Variants in DIS3L2 observed in about 807,000 individuals in gnomAD.
DIS3L2 encodes the protein DIS3 like 3'-5' exoribonuclease 2.
Under a neutral mutation model 97.5 loss-of-function variants are expected in DIS3L2, and 34 were observed. The ratio of observed to expected loss-of-function variants is 0.35; its 90% confidence interval spans 0.27 to 0.46. DIS3L2 has a LOEUF of 0.46. Ranked by LOEUF, DIS3L2 falls within the 20% of genes least tolerant of loss-of-function variation. DIS3L2 has a pLI of 1.00. For missense variants in DIS3L2, 1,038 were observed against 1,146.0 expected, an observed-to-expected ratio of 0.91 and a Z score of 1.36; for synonymous variants, 435 against 445.2, an observed-to-expected ratio of 0.98 and a Z score of 0.29.
At chr2:232,002,109 G>T (rs976906100) in intron 1 of DIS3L2, among the ~76,000 whole-genome samples, 17 of 151,968 alleles carry the variant, frequency 1.1e-4, no homozygotes, top group Admixed American at 5.9e-4. Flanking sequence ...CGGTTCTCTC[G>T]GTACCATTTA....
chr2:232,140,165 C>T (rs2106358579), intron 8 of DIS3L2, among the ~76,000 whole-genome samples: 1 of 152,170 alleles, frequency 6.6e-6, no homozygotes, highest in Admixed American at 6.5e-5. Context: ...CTTTCTCCTT[C>T]CTCTAGTGTT....
At chr2:232,289,200 G>A (rs1694529883) in intron 13 of DIS3L2, among the ~76,000 whole-genome samples, 1 of 152,002 alleles carries the variant, frequency 6.6e-6, no homozygotes, top group African/African-American at 2.4e-5. Flanking sequence ...TTACAACAGT[G>A]GACAGCGTTT....
chr2:232,087,323 G>A (rs1393546593), intron 5 of DIS3L2, among the ~76,000 whole-genome samples, 164 bp from the exon 6 acceptor site: 1 of 152,164 alleles, frequency 6.6e-6, no homozygotes, highest in African/African-American at 2.4e-5. Context: ...TGTGCATTAG[G>A]TGGTCTGTGC....
chr2:231,963,424 C>T (rs1692623444), intron 1 of DIS3L2, among the ~76,000 whole-genome samples: 1 of 152,022 alleles, frequency 6.6e-6, no homozygotes, highest in Non-Finnish European at 1.5e-5. Flanking sequence ...TGTCCTTTGG[C>T]CATTTTTAAA....
At chr2:231,962,737 C>T (rs1692603726) in intron 1 of DIS3L2, among the ~76,000 whole-genome samples, 1 of 152,112 alleles carries the variant, frequency 6.6e-6, no homozygotes, top group Non-Finnish European at 1.5e-5. Flanking sequence ...ACCCGGCCGA[C>T]TGTTCCCATG....
chr2:232,193,029 T>C (rs1691658800), intron 9 of DIS3L2, among the ~76,000 whole-genome samples: 1 of 152,224 alleles, frequency 6.6e-6, no homozygotes, highest in Non-Finnish European at 1.5e-5. Flanking sequence ...ATGGCTGCTA[T>C]CTACAGCTAC....
intron 1 of DIS3L2, among the ~76,000 whole-genome samples, chr2:232,001,359 A>T (rs1041327895): frequency 3.6e-4 from 55 of 152,108 alleles, no homozygotes; most frequent in African/African-American, 1.2e-3. Context: ...TCTTTTGAGA[A>T]ATGTCTACCT....
rs987238364 is a variant in DIS3L2 at position 232,145,027 on chromosome 2, C to T, written c.950+8308C>T. ...TGATTCCTAACTTACTACTTTTTTC[C>T]CTTGTAATTATTATACTGTATTTTT... On this transcript the variant is annotated intron_variant, in intron 8 of 20. Transcript: ENST00000325385. Among the ~76,000 whole-genome samples, 160 of 152,050 alleles carry T rather than the reference C, an allele frequency of 1.1e-3. 2 individuals carry two copies. The highest frequency in any genetic ancestry group is 2.9e-4 in the Non-Finnish European group (20 of 67,990).
At chr2:232,113,191 A>G (rs1697590626) in intron 6 of DIS3L2, among the ~76,000 whole-genome samples, 1 of 152,194 alleles carries the variant, frequency 6.6e-6, no homozygotes, top group African/African-American at 2.4e-5. Context: ...TTATGCTTCA[A>G]AAGAAAAACT....
chr2:232,055,164 C>G (rs957773303), intron 5 of DIS3L2, among the ~76,000 whole-genome samples: 6 of 152,168 alleles, frequency 3.9e-5, no homozygotes, highest in Admixed American at 3.3e-4. Flanking sequence ...AAAGCTTTCC[C>G]TCTGATAATG....
At chr2:232,110,872 A>G (rs1251781165) in intron 6 of DIS3L2, among the ~76,000 whole-genome samples, 1 of 152,010 alleles carries the variant, frequency 6.6e-6, no homozygotes, top group African/African-American at 2.4e-5. Flanking sequence ...TGTACCCTTG[A>G]ACTTAAAAGT....
intron 10 of DIS3L2, among the ~76,000 whole-genome samples, chr2:232,212,447 C>T (rs1454732671): frequency 6.6e-6 from 1 of 152,246 alleles, no homozygotes; most frequent in Non-Finnish European, 1.5e-5. Flanking sequence ...CTGCACCTTG[C>T]AGGGTCTCCA....
At chr2:232,337,402 C>G (rs1221673566), downstream of DIS3L2, among the ~76,000 whole-genome samples, 1 of 152,122 alleles carries the variant, frequency 6.6e-6, no homozygotes, top group Non-Finnish European at 1.5e-5. Context: ...CCCGGCAGCA[C>G]CAAGGGAGCC....
At chr2:231,973,412 C>T (rs1692978614) in intron 1 of DIS3L2, among the ~76,000 whole-genome samples, 1 of 152,054 alleles carries the variant, frequency 6.6e-6, no homozygotes, top group Non-Finnish European at 1.5e-5. Flanking sequence ...TTAAACAAAT[C>T]ACAAATTTCA....
At chr2:232,329,785 T>TGCCGGGGGCCCCC in intron 14 of DIS3L2, 28 bp from the exon 15 acceptor site, 1 of 967,144 alleles carries the variant, frequency 1.0e-6, no homozygotes, top group Non-Finnish European at 1.5e-6. Flanking sequence ...ACCCCAGCGG[T>TGCCGGGGGCCCCC]CCCTCCCATC....
At chr2:232,133,999 A>AAAAAAAAAAAG (rs1698288563) in intron 7 of DIS3L2, among the ~76,000 whole-genome samples, 1 of 150,812 alleles carries the variant, frequency 6.6e-6, no homozygotes, top group Non-Finnish European at 1.5e-5. Context: ...AAAAAAAAAA[A>AAAAAAAAAAAG]AAATTATATA....
At chr2:232,189,678 T>C (rs1691557640) in intron 9 of DIS3L2, among the ~76,000 whole-genome samples, 1 of 152,164 alleles carries the variant, frequency 6.6e-6, no homozygotes, top group Non-Finnish European at 1.5e-5. Flanking sequence ...AACCTACATA[T>C]GTAATAAAAT....
At chr2:232,086,359 GTGTATATGTATATGTATA>G (rs59054040) in intron 5 of DIS3L2, among the ~76,000 whole-genome samples, 2,230 of 138,192 alleles carry the variant, frequency 0.016, 25 homozygotes, top group Non-Finnish European at 0.021. Flanking sequence ...GTATATATAT[GTGTATATGTATATGTATA>G]TGTATATGTA....
At chr2:232,027,461 C>G (rs1191089015) in intron 4 of DIS3L2, among the ~76,000 whole-genome samples, 1 of 152,160 alleles carries the variant, frequency 6.6e-6, no homozygotes, top group East Asian at 1.9e-4. Flanking sequence ...GTGGCTTCCT[C>G]ATTTGTAAAA....
Sources: allele counts gnomAD v4.1 joint callset (sites outside exome capture counted in the v4.1 genomes callset), GRCh38; gene constraint gnomAD v4.1.1; transcripts MANE v1.5; gene names NCBI Gene and HGNC (gene_info 2026-07-23, HGNC 2026-07-21).